EYS: variants seen among roughly 807,000 people sequenced by gnomAD.
EYS encodes EGF-like photoreceptor maintenance factor.
Under a neutral mutation model 282.1 loss-of-function variants are expected in EYS, and 250 were observed. The observed-to-expected ratio is 0.89, with a 90% confidence interval of 0.80 to 0.98. The LOEUF (loss-of-function observed/expected upper bound fraction) is 0.98. Ranked by LOEUF, EYS falls within the 50% of genes least tolerant of loss-of-function variation. EYS has a pLI of 0.00. For missense variants in EYS, 4,016 were observed against 3,709.0 expected, an observed-to-expected ratio of 1.08 and a Z score of -2.15; for synonymous variants, 1,355 against 1,282.9, an observed-to-expected ratio of 1.06 and a Z score of -1.20.
chr6:64,716,712 A>G (rs1771409852), intron 22 of EYS, among the ~76,000 whole-genome samples: 1 of 152,198 alleles, frequency 6.6e-6, no homozygotes, highest in Non-Finnish European at 1.5e-5. Flanking sequence ...CTCAGTGCAG[A>G]CACATTTGAT....
intron 22 of EYS, among the ~76,000 whole-genome samples, chr6:64,688,552 C>A (rs891814786): frequency 3.1e-4 from 47 of 152,222 alleles, no homozygotes; most frequent in African/African-American, 1.1e-3. Flanking sequence ...GTTTCTTAAT[C>A]CTGAGTTCTA....
chr6:64,116,240 G>C (rs1773380044), intron 31 of EYS, among the ~76,000 whole-genome samples: 1 of 151,936 alleles, frequency 6.6e-6, no homozygotes, highest in African/African-American at 2.4e-5. Flanking sequence ...AAAACAAAAA[G>C]AATTTTGAAA....
chr6:65,095,324 A>T (rs66740770), intron 12 of EYS, among the ~76,000 whole-genome samples: 28,939 of 150,934 alleles, frequency 0.19, 3,359 homozygotes, highest in South Asian at 0.27. Flanking sequence ...TAATAATTTC[A>T]AGACATCTAT....
At chr6:65,167,527 A>G (rs1264691308) in intron 12 of EYS, among the ~76,000 whole-genome samples, 2 of 151,312 alleles carry the variant, frequency 1.3e-5, no homozygotes, top group African/African-American at 4.8e-5. Flanking sequence ...GTTTTCTGCA[A>G]TTTTGCTATG....
At chr6:64,558,904 T>G (rs556282238) in intron 26 of EYS, among the ~76,000 whole-genome samples, 2 of 152,198 alleles carry the variant, frequency 1.3e-5, no homozygotes, top group Non-Finnish European at 2.9e-5. Flanking sequence ...TATGATCACA[T>G]GACAAGGCAG....
chr6:64,094,719 A>AT (rs1339457119), intron 31 of EYS, among the ~76,000 whole-genome samples: 2 of 151,834 alleles, frequency 1.3e-5, no homozygotes, highest in Admixed American at 6.6e-5. Flanking sequence ...TCCTGGATTG[A>AT]TTTTTTTGAA....
rs549751289 is a variant in EYS, at chr6:65,275,858, A to C, written c.2023+20005T>G. Among the ~76,000 whole-genome samples the C allele has an allele frequency of 2.6e-5, 4 of 152,322 alleles. No homozygotes were observed. The South Asian group carries it at 8.3e-4, about 32-fold the overall frequency. On this transcript the variant is annotated intron_variant, in intron 12 of 42. Transcript: ENST00000503581. ...GGCATCATTTTGTTTTTAATAAAATAGAAAATTACTCTGGATATGATTTGC... is the reference window on the plus strand; with the variant it reads ...GGCATCATTTTGTTTTTAATAAAATCGAAAATTACTCTGGATATGATTTGC...
At chr6:65,642,911 G>A (rs1767326974) in intron 1 of EYS, among the ~76,000 whole-genome samples, 1 of 152,218 alleles carries the variant, frequency 6.6e-6, no homozygotes, top group African/African-American at 2.4e-5. Flanking sequence ...AATGTAGATA[G>A]GAGGCAGGAC....
At chr6:65,473,514 C>T (rs534339848) in intron 5 of EYS, among the ~76,000 whole-genome samples, 2 of 151,802 alleles carry the variant, frequency 1.3e-5, no homozygotes, top group Non-Finnish European at 2.9e-5. Flanking sequence ...GTAACTGTGA[C>T]ACCTGGATTT....
At chr6:65,255,524 G>T (rs1002229509) in intron 12 of EYS, among the ~76,000 whole-genome samples, 1 of 151,864 alleles carries the variant, frequency 6.6e-6, no homozygotes, top group Admixed American at 6.6e-5. Flanking sequence ...ATAATATCAA[G>T]CTAAAAGCTT....
At chr6:64,505,795 C>T (rs1398522379) in intron 26 of EYS, among the ~76,000 whole-genome samples, 1 of 152,172 alleles carries the variant, frequency 6.6e-6, no homozygotes, top group East Asian at 1.9e-4. Flanking sequence ...GCACCATGAA[C>T]TATAATCACA....
At chr6:65,135,349 GA>G (rs953263965) in intron 12 of EYS, among the ~76,000 whole-genome samples, 3 of 151,042 alleles carry the variant, frequency 2.0e-5, no homozygotes, top group African/African-American at 7.3e-5. Context: ...ACTTTTTATT[GA>G]AAAAAAATTA....
At chr6:64,732,807 C>T (rs1772018611) in intron 22 of EYS, among the ~76,000 whole-genome samples, 3 of 152,182 alleles carry the variant, frequency 2.0e-5, no homozygotes, top group Admixed American at 2.0e-4. Context: ...ACTGATTGTT[C>T]TCGTTTGAAA....
chr6:64,533,606 G>T (rs562855433), intron 26 of EYS, among the ~76,000 whole-genome samples: 16 of 151,840 alleles, frequency 1.1e-4, no homozygotes, highest in Non-Finnish European at 2.2e-4. Context: ...TTTTCAAAAA[G>T]AAAGAAGAAA....
chr6:63,729,442 A>G (rs1010900283), intron 41 of EYS, among the ~76,000 whole-genome samples: 8 of 151,752 alleles, frequency 5.3e-5, no homozygotes, highest in African/African-American at 1.9e-4. Context: ...TAGGAGTTTT[A>G]TAGTTTTTTA....
chr6:64,912,357 C>A (rs767664148), intron 16 of EYS, 127 bp downstream of exon 16: 21 of 720,972 alleles, frequency 2.9e-5, no homozygotes, highest in Non-Finnish European at 4.5e-5. Flanking sequence ...GTTAGATAGT[C>A]CCCTACCCAC....
At chr6:64,754,019 G>A (rs988596882) in intron 22 of EYS, among the ~76,000 whole-genome samples, 1 of 152,002 alleles carries the variant, frequency 6.6e-6, no homozygotes, top group Admixed American at 6.6e-5. Context: ...GGTACATGAT[G>A]AAATTAATTT....
intron 31 of EYS, among the ~76,000 whole-genome samples, chr6:64,096,257 T>C (rs983106618): frequency 1.3e-5 from 2 of 152,214 alleles, no homozygotes; most frequent in Non-Finnish European, 2.9e-5. Context: ...AGGAGTATCT[T>C]TGTGGGATTC....
At chr6:65,617,827 T>A (rs1766267135) in intron 2 of EYS, among the ~76,000 whole-genome samples, 2 of 151,774 alleles carry the variant, frequency 1.3e-5, no homozygotes, top group Admixed American at 1.3e-4. Context: ...CTTGCAATAG[T>A]TTGCTGAGAA....
Sources: gnomAD v4.1 joint callset for allele counts (sites outside exome capture counted in the v4.1 genomes callset) on GRCh38, gnomAD v4.1.1 for gene constraint, MANE v1.5 for transcripts, NCBI Gene and HGNC (gene_info 2026-07-23, HGNC 2026-07-21) for gene names.